PDE10A: variants seen among roughly 807,000 people sequenced by gnomAD.
PDE10A encodes the protein phosphodiesterase 10A, also known as cAMP and cAMP-inhibited cGMP 3',5'-cyclic phosphodiesterase 10A.
Under a neutral mutation model 97.7 loss-of-function variants are expected in PDE10A, and 39 were observed. That is an observed-to-expected ratio of 0.40 (90% CI 0.31 to 0.52). PDE10A has a LOEUF of 0.52. PDE10A is among the 20% of genes least tolerant of loss of function. PDE10A has a pLI of 0.56. For missense variants in PDE10A, 731 were observed against 1,047.8 expected (o/e 0.70, Z 4.17); for synonymous variants, 371 against 376.8 (o/e 0.98, Z 0.18).
At chr6:165,788,556 G>GA (rs1157373494) in intron 1 of PDE10A, among the ~76,000 whole-genome samples, 64 of 114,046 alleles carry the variant, frequency 5.6e-4, no homozygotes, top group Middle Eastern at 4.7e-3. Flanking sequence ...AAAAGAAAAA[G>GA]AAAAAAAAAA....
At chr6:165,537,313 T>C (rs1267777086) in intron 2 of PDE10A, among the ~76,000 whole-genome samples, 1 of 151,946 alleles carries the variant, frequency 6.6e-6, no homozygotes, top group Non-Finnish European at 1.5e-5. Flanking sequence ...TAAGAGTGGT[T>C]GGTTAACAGG....
chr6:165,396,988 G>T (rs1281684108), intron 13 of PDE10A, among the ~76,000 whole-genome samples: 2 of 152,120 alleles, frequency 1.3e-5, no homozygotes, highest in African/African-American at 4.8e-5. Flanking sequence ...TGAATTTGGG[G>T]TGTTATTGGT....
chr6:165,935,546 T>C (rs564530963), intron 1 of PDE10A, among the ~76,000 whole-genome samples: 1 of 152,194 alleles, frequency 6.6e-6, no homozygotes, highest in Non-Finnish European at 1.5e-5. Context: ...CAAGAAATGA[T>C]TCTGGACTAA....
At chr6:165,544,990 G>A (rs1315051433) in intron 1 of PDE10A, among the ~76,000 whole-genome samples, 1 of 152,030 alleles carries the variant, frequency 6.6e-6, no homozygotes, top group African/African-American at 2.4e-5. Context: ...GTAAGTAAGT[G>A]CTCTCCTGGC....
chr6:165,859,893 C>G lies in PDE10A; in HGVS notation c.-615+127636G>C, dbSNP rs1258385436. On this transcript the variant is annotated intron_variant, in intron 1 of 19. Coordinates refer to the PDE10A transcript ENST00000366882. ...AATGAATTAATGGCATTCTCAGCAA[C>G]CTGGGTGGGATTGAAGACCATGATT... 2.0e-5 allele frequency among the ~76,000 whole-genome samples: 3 copies of G among 152,068 alleles called. No individual in the cohort carries two copies. The South Asian group carries it at 6.2e-4, about 32-fold the overall frequency.
chr6:165,532,518 TG>T (rs1782844901), intron 2 of PDE10A, among the ~76,000 whole-genome samples: 1 of 151,984 alleles, frequency 6.6e-6, no homozygotes, highest in Admixed American at 6.6e-5. Context: ...TGATCTCCTC[TG>T]GGGGTTTGGA....
At chr6:165,814,056 A>T (rs1476655510) in intron 1 of PDE10A, among the ~76,000 whole-genome samples, 1 of 152,242 alleles carries the variant, frequency 6.6e-6, no homozygotes, top group African/African-American at 2.4e-5. Context: ...TGGATGAAGC[A>T]AACAGATTTG....
chr6:165,450,510 A>T, intron 3 of PDE10A, 148 bp from the exon 4 acceptor site: 1 of 399,860 alleles, frequency 2.5e-6, no homozygotes, highest in East Asian at 3.7e-5. Flanking sequence ...TAAATATTAT[A>T]ATCTATTTTA....
rs1262516172 is a variant in PDE10A, at chr6:165,343,260, C to T, written c.2895+131G>A. 2.1e-5 allele frequency: 14 copies of T among 672,912 alleles called. No individual in the cohort carries two copies. In the East Asian group the frequency reaches 3.5e-4, roughly 17 times the overall value. The allele number at this position is 672,912 out of a possible 1,614,324, so 41.7% of individuals were successfully genotyped here. ...CTTTGTATCTGCATAAGTGCTAAAT[C>T]CTTCAGTATGTGACTCACCACAGTT... On this transcript the variant is annotated intron_variant, in intron 19 of 21. Transcript: ENST00000539869.
chr6:165,805,689 TG>T (rs1469315020), intron 1 of PDE10A, among the ~76,000 whole-genome samples: 1 of 152,182 alleles, frequency 6.6e-6, no homozygotes, highest in African/African-American at 2.4e-5. Context: ...GGGACCCCTC[TG>T]GATCTCCCCA....
intron 1 of PDE10A, among the ~76,000 whole-genome samples, chr6:165,632,063 G>T (rs181553396): frequency 6.6e-6 from 1 of 152,136 alleles, no homozygotes; most frequent in African/African-American, 2.4e-5. Flanking sequence ...AGCCAGGCAT[G>T]GTGGCACATG....
chr6:165,656,566 G>A (rs1463478457), intron 1 of PDE10A, among the ~76,000 whole-genome samples: 8 of 151,848 alleles, frequency 5.3e-5, no homozygotes, highest in African/African-American at 1.5e-4. Context: ...CTATACACTC[G>A]TCTGAGGGGT....
At chr6:165,778,474 A>G (rs1250588832) in intron 1 of PDE10A, among the ~76,000 whole-genome samples, 2 of 152,198 alleles carry the variant, frequency 1.3e-5, no homozygotes. Flanking sequence ...ATTTTTCTCT[A>G]TAATGACTTC....
Position 165,883,557 on chromosome 6 carries a change from AT to A in PDE10A, c.-615+103971del, listed in dbSNP as rs1781547701. On this transcript the variant is annotated intron_variant, in intron 1 of 19. Transcript: ENST00000366882. ...TCCGTCTCAAAAAAAAAAAAAATAA[AT>A]AAAAATAAAAATAAACTCTCCCCCA... 4.6e-5 allele frequency among the ~76,000 whole-genome samples: 7 copies of A among 150,644 alleles called. No individual in the cohort carries two copies. In the South Asian group the frequency reaches 1.5e-3, roughly 32 times the overall value.
At chr6:165,825,154 A>T (rs1779695807) in intron 1 of PDE10A, among the ~76,000 whole-genome samples, 1 of 90,080 alleles carries the variant, frequency 1.1e-5, no homozygotes, top group Non-Finnish European at 2.3e-5. Context: ...TCAAAAAAAA[A>T]AAAAAAAAGA....
chr6:165,589,673 C>A (rs1017743740), intron 1 of PDE10A, among the ~76,000 whole-genome samples: 1 of 151,804 alleles, frequency 6.6e-6, no homozygotes, highest in Non-Finnish European at 1.5e-5. Context: ...GGAAAGGAGG[C>A]CTTCCTGGAG....
chr6:165,944,783 G>A (rs962867871), intron 1 of PDE10A, among the ~76,000 whole-genome samples: 6 of 152,106 alleles, frequency 3.9e-5, no homozygotes, highest in Admixed American at 3.9e-4. Flanking sequence ...GTTTAGTGAT[G>A]TCATATAAAT....
At chr6:165,399,204 T>C (rs552150882) in intron 13 of PDE10A, among the ~76,000 whole-genome samples, 6 of 152,162 alleles carry the variant, frequency 3.9e-5, no homozygotes, top group Non-Finnish European at 8.8e-5. Flanking sequence ...GCAAATAAAA[T>C]AGACAAATAG....
chr6:165,355,652 G>A (rs1360600288), intron 18 of PDE10A, among the ~76,000 whole-genome samples: 3 of 152,114 alleles, frequency 2.0e-5, no homozygotes, highest in Non-Finnish European at 4.4e-5. Context: ...GAGTAATGTT[G>A]CTATGAATGT....
Sources: allele counts gnomAD v4.1 joint callset (sites outside exome capture counted in the v4.1 genomes callset), GRCh38; gene constraint gnomAD v4.1.1; transcripts MANE v1.5; gene names NCBI Gene and HGNC (gene_info 2026-07-23, HGNC 2026-07-21).